The following STK3 variants were observed in gnomAD, a reference collection of about 807,000 sequenced individuals.
STK3 encodes the protein serine/threonine-protein kinase 3.
A neutral mutation model predicts 58.0 loss-of-function variants in STK3; 41 were observed. The observed-to-expected ratio is 0.71, with a 90% CI of 0.55 to 0.92. The LOEUF is 0.92. Ranked by LOEUF, STK3 falls within the 40% of genes least tolerant of loss-of-function variation. STK3 has a pLI of 0.00. For synonymous variants in STK3, 170 were observed against 191.0 expected (o/e 0.89, Z 0.91); for missense variants, 479 against 602.7 (o/e 0.79, Z 2.15).
At chr8:98,882,739 G>T (rs370950142), downstream of STK3, 1 of 152,152 alleles carries the variant, frequency 6.6e-6, no homozygotes, top group Non-Finnish European at 1.5e-5. Flanking sequence ...CTCACCAGGT[G>T]ATGCATTCTT....
intron 4 of STK3, among the ~76,000 whole-genome samples, chr8:98,740,309 A>G (rs531096869): frequency 0.019 from 2,941 of 152,132 alleles, 32 homozygotes; most frequent in South Asian, 0.033. Flanking sequence ...CACCAAAGTT[A>G]AAATGAAGGA....
chr8:98,626,066 A>C (rs963637667), intron 6 of STK3, among the ~76,000 whole-genome samples: 1 of 152,142 alleles, frequency 6.6e-6, no homozygotes, highest in Non-Finnish European at 1.5e-5. Context: ...CCCTGATAAA[A>C]GGAGGTGGGG....
intron 6 of STK3, among the ~76,000 whole-genome samples, chr8:98,685,383 C>T (rs1041448071): frequency 7.2e-5 from 11 of 152,154 alleles, no homozygotes; most frequent in African/African-American, 2.4e-4. Context: ...GTAGGAATGC[C>T]TCTTTCCTGT....
chr8:98,371,094 A>G (rs1043729373), downstream of STK3, among the ~76,000 whole-genome samples: 4 of 152,192 alleles, frequency 2.6e-5, no homozygotes, highest in African/African-American at 7.2e-5. Context: ...CAGAAAAGAA[A>G]CAAAACTTAC....
At chr8:98,722,199 C>G (rs1827481367) in intron 4 of STK3, among the ~76,000 whole-genome samples, 1 of 152,156 alleles carries the variant, frequency 6.6e-6, no homozygotes, top group Non-Finnish European at 1.5e-5. Context: ...AAATGGCACT[C>G]AGAAACCAAG....
chr8:98,370,119 G>A (rs1293224852), downstream of STK3, among the ~76,000 whole-genome samples: 8 of 146,294 alleles, frequency 5.5e-5, no homozygotes, highest in African/African-American at 2.0e-4. Flanking sequence ...TACAAGCTGG[G>A]AAGCAGCAAC....
upstream of STK3, among the ~76,000 whole-genome samples, chr8:98,828,437 C>CAAAAAAAA (rs367737626): frequency 1.9e-3 from 94 of 48,580 alleles, no homozygotes; most frequent in Admixed American, 2.2e-3. Context: ...CCCATCTCTA[C>CAAAAAAAA]AAAAAAAAAA....
At chr8:98,460,993 T>A (rs1468826007) in intron 10 of STK3, among the ~76,000 whole-genome samples, 1 of 152,228 alleles carries the variant, frequency 6.6e-6, no homozygotes, top group East Asian at 1.9e-4. Context: ...GTTCTGTAAA[T>A]ATTTGTTATG....
chr8:98,870,259 T>G (rs907487786), intron 3 of STK3, among the ~76,000 whole-genome samples: 4 of 152,234 alleles, frequency 2.6e-5, no homozygotes, highest in African/African-American at 9.6e-5. Flanking sequence ...ACATTTGGGT[T>G]GGTTCCAAGT....
At chr8:98,857,087 A>T (rs1836712594) in intron 3 of STK3, among the ~76,000 whole-genome samples, 2 of 152,234 alleles carry the variant, frequency 1.3e-5, no homozygotes, top group African/African-American at 4.8e-5. Context: ...GCAGATAGCT[A>T]AAGAATAGGG....
At chr8:98,842,193 T>C (rs910250576) in intron 3 of STK3, among the ~76,000 whole-genome samples, 2 of 152,218 alleles carry the variant, frequency 1.3e-5, no homozygotes, top group Admixed American at 6.5e-5. Flanking sequence ...TTAAAATTTT[T>C]AAATTCTCCT....
At chr8:98,642,782 T>G (rs922317276) in intron 6 of STK3, among the ~76,000 whole-genome samples, 3 of 152,182 alleles carry the variant, frequency 2.0e-5, no homozygotes, top group Non-Finnish European at 2.9e-5. Context: ...TTACCTAGCC[T>G]GCTAACCCAG....
At chr8:98,432,580 T>G (rs1818352154) in intron 3 of STK3, 1 of 167,142 alleles carries the variant, frequency 6.0e-6, no homozygotes, top group Non-Finnish European at 1.5e-5. Flanking sequence ...ATTTGTTATT[T>G]CTACTTATCT....
chr8:98,737,697 C>T (rs1331581267), intron 4 of STK3, among the ~76,000 whole-genome samples: 3 of 151,960 alleles, frequency 2.0e-5, no homozygotes, highest in Non-Finnish European at 2.9e-5. Context: ...AAATTTAAAA[C>T]GTATATAATT....
At chr8:98,462,412 T>C (rs946026266) in intron 10 of STK3, among the ~76,000 whole-genome samples, 3 of 152,236 alleles carry the variant, frequency 2.0e-5, no homozygotes, top group Non-Finnish European at 4.4e-5. Flanking sequence ...TTTATCATCT[T>C]ACTCATCCTT....
chr8:98,778,280 T>C (rs1831845477), intron 1 of STK3, among the ~76,000 whole-genome samples: 1 of 152,216 alleles, frequency 6.6e-6, no homozygotes. Context: ...CATGAAAACA[T>C]GCTCATCATC....
At chr8:98,716,706 G>T (rs1011013021) in intron 4 of STK3, among the ~76,000 whole-genome samples, 2 of 151,898 alleles carry the variant, frequency 1.3e-5, no homozygotes, top group African/African-American at 2.4e-5. Flanking sequence ...ATCTCAAGGG[G>T]CCCCAAAACA....
chr8:98,711,610 G>A (rs1826450759), intron 4 of STK3, among the ~76,000 whole-genome samples: 1 of 152,178 alleles, frequency 6.6e-6, no homozygotes, highest in African/African-American at 2.4e-5. Flanking sequence ...AATGAACAAA[G>A]CCTCCAAGAA....
intron 1 of STK3, among the ~76,000 whole-genome samples, chr8:98,886,456 A>G (rs1587802358): frequency 6.6e-6 from 1 of 152,382 alleles, no homozygotes; most frequent in East Asian, 1.9e-4. Flanking sequence ...CAATTTAAGC[A>G]ATATAAATGC....
Sources: gnomAD v4.1 joint callset for allele counts (sites outside exome capture counted in the v4.1 genomes callset) on GRCh38, gnomAD v4.1.1 for gene constraint, MANE v1.5 for transcripts, NCBI Gene and HGNC (gene_info 2026-07-23, HGNC 2026-07-21) for gene names.